Variants in BRAF observed in about 807,000 individuals in gnomAD.
BRAF encodes serine/threonine-protein kinase B-raf.
BRAF carries 16 observed loss-of-function variants against 104.6 expected under a neutral mutation model. That is an observed-to-expected ratio of 0.15 (90% CI 0.10 to 0.23). The LOEUF is 0.23. Among genes scored for constraint, BRAF ranks in the 10% least tolerant of loss-of-function variants. The pLI is 1.00. For synonymous variants in BRAF, 310 were observed against 341.6 expected, an observed-to-expected ratio of 0.91 and a Z score of 1.02; for missense variants, 541 against 937.3, an observed-to-expected ratio of 0.58 and a Z score of 5.52.
At chr7:140,885,151 C>T (rs1813416055) in intron 1 of BRAF, among the ~76,000 whole-genome samples, 1 of 152,064 alleles carries the variant, frequency 6.6e-6, no homozygotes, top group African/African-American at 2.4e-5. Flanking sequence ...GGATTACAGG[C>T]ATGTGCTACC....
intron 1 of BRAF, among the ~76,000 whole-genome samples, chr7:140,881,923 A>G (rs1318363804): frequency 6.6e-6 from 1 of 152,200 alleles, no homozygotes; most frequent in Non-Finnish European, 1.5e-5. Context: ...AACAATTACA[A>G]TAGTAACATG....
chr7:140,739,081 G>C (rs1328724610), intron 18 of BRAF, among the ~76,000 whole-genome samples: 5 of 151,176 alleles, frequency 3.3e-5, no homozygotes, highest in African/African-American at 1.2e-4. Context: ...CCCTCAAAAA[G>C]ACCCAGTATT....
intron 14 of BRAF, 110 bp downstream of exon 13, chr7:140,776,802 C>G: frequency 9.3e-7 from 1 of 1,070,108 alleles, no homozygotes; most frequent in Non-Finnish European, 1.4e-6. Flanking sequence ...TCCTTATGTT[C>G]CTGGACAGTA....
At chr7:140,860,465 G>GAAAAAAAAAAA (rs746617365) in intron 1 of BRAF, among the ~76,000 whole-genome samples, 1 of 62,164 alleles carries the variant, frequency 1.6e-5, no homozygotes, top group African/African-American at 9.8e-5. Context: ...CCCATCTCTA[G>GAAAAAAAAAAA]AAAAAAAAAA....
At position 140,722,932 on chromosome 7, in the gene BRAF, A is replaced by G; in HGVS notation, c.*3562T>C. On this transcript the variant is annotated 3_prime_UTR_variant, in exon 20 of 20. Transcript: ENST00000644969. ...ACATTTTTTTACAGTATTACTGCTT[A>G]AATGTATAATGCCCTTTAGGACAAA... 9.5e-7 allele frequency: 1 copy of G among 1,055,496 alleles called. No homozygotes were observed. The highest frequency in any genetic ancestry group is 1.1e-6 in the Non-Finnish European group (1 of 873,186). 65.4% of individuals were successfully genotyped at this position (1,055,496 alleles called of 1,614,324 possible).
intron 1 of BRAF, among the ~76,000 whole-genome samples, chr7:140,856,759 G>T (rs139784390): frequency 9.9e-5 from 15 of 152,254 alleles, no homozygotes; most frequent in African/African-American, 3.6e-4. Context: ...TATTTGAACA[G>T]AAGCTGGCCA....
At chr7:140,909,832 ACAACAACAAC>A (rs1816768750) in intron 1 of BRAF, among the ~76,000 whole-genome samples, 1 of 152,064 alleles carries the variant, frequency 6.6e-6, no homozygotes, top group South Asian at 2.1e-4. Context: ...AACAACAACA[ACAACAACAAC>A]AACAAAAAAG....
intron 8 of BRAF, among the ~76,000 whole-genome samples, chr7:140,789,280 C>T (rs1369953282): frequency 5.9e-5 from 9 of 152,044 alleles, no homozygotes; most frequent in Non-Finnish European, 1.3e-4. Flanking sequence ...GGGACAGTCG[C>T]TACTGGTAAT....
chr7:140,715,279 G>C (rs1223718160), downstream of BRAF, among the ~76,000 whole-genome samples: 1 of 152,182 alleles, frequency 6.6e-6, no homozygotes, highest in Non-Finnish European at 1.5e-5. Flanking sequence ...TGTCCCTCTT[G>C]CAAGGGGTGC....
chr7:140,885,245 T>G (rs1813429424), intron 1 of BRAF, among the ~76,000 whole-genome samples: 1 of 152,074 alleles, frequency 6.6e-6, no homozygotes, highest in Non-Finnish European at 1.5e-5. Context: ...TCAAGTGATC[T>G]GCCCACCTCA....
intron 1 of BRAF, among the ~76,000 whole-genome samples, chr7:140,887,266 T>C (rs1342236945): frequency 6.6e-6 from 1 of 152,184 alleles, no homozygotes; most frequent in Non-Finnish European, 1.5e-5. Context: ...TCAATGTAAT[T>C]ATGTCTAGTG....
chr7:140,861,416 A>C (rs570175994), intron 1 of BRAF, among the ~76,000 whole-genome samples: 1 of 152,324 alleles, frequency 6.6e-6, no homozygotes, highest in East Asian at 1.9e-4. Flanking sequence ...AAAGTCCTAA[A>C]GTTACTGGGT....
chr7:140,912,856 T>C (rs1817149192), intron 1 of BRAF, among the ~76,000 whole-genome samples: 1 of 152,178 alleles, frequency 6.6e-6, no homozygotes, highest in Non-Finnish European at 1.5e-5. Context: ...ATGAATCTAC[T>C]TTCAAAACAT....
intron 17 of BRAF, chr7:140,741,405 A>G (rs1168840601): frequency 1.3e-5 from 2 of 152,202 alleles, no homozygotes; most frequent in African/African-American, 2.4e-5. Flanking sequence ...TACTCTGCTT[A>G]TAATGCCCTC....
At chr7:140,808,485 G>A (rs1043315353) in intron 4 of BRAF, 19 of 340,162 alleles carry the variant, frequency 5.6e-5, no homozygotes, top group African/African-American at 3.7e-4. Flanking sequence ...TTCAAAATGT[G>A]AGGGTCTTGG....
intron 1 of BRAF, among the ~76,000 whole-genome samples, chr7:140,898,506 A>G (rs1271029913): frequency 6.6e-6 from 1 of 152,244 alleles, no homozygotes; most frequent in Non-Finnish European, 1.5e-5. Context: ...ATATGAAAAC[A>G]TACTCAACCT....
chr7:140,847,162 A>T (rs1229541169), intron 2 of BRAF, among the ~76,000 whole-genome samples: 1 of 152,156 alleles, frequency 6.6e-6, no homozygotes, highest in African/African-American at 2.4e-5. Context: ...TCAACAAAAA[A>T]TAAAAAAATA....
At chr7:140,747,378 C>T in intron 17 of BRAF, 3 of 1,277,220 alleles carry the variant, frequency 2.3e-6, no homozygotes, top group Non-Finnish European at 3.0e-6. Context: ...TTCTGTTGGT[C>T]ACACATTCCT....
chr7:140,856,676 A>C (rs1293295162), intron 1 of BRAF, among the ~76,000 whole-genome samples: 1 of 152,208 alleles, frequency 6.6e-6, no homozygotes, highest in Non-Finnish European at 1.5e-5. Flanking sequence ...AGGCAGAGAT[A>C]AATGAATGGA....
Sources: gnomAD v4.1 joint callset for allele counts (sites outside exome capture counted in the v4.1 genomes callset) on GRCh38, gnomAD v4.1.1 for gene constraint, MANE v1.5 for transcripts, NCBI Gene and HGNC (gene_info 2026-07-23, HGNC 2026-07-21) for gene names.